The following AKR1C3 variants were observed in gnomAD, a reference collection of about 807,000 sequenced individuals.
AKR1C3 encodes 3-alpha hydroxysteroid dehydrogenase, type II.
AKR1C3 carries 48 observed loss-of-function variants against 43.6 expected under a neutral mutation model. The ratio of observed to expected loss-of-function variants is 1.10; its 90% CI spans 0.87 to 1.40. The LOEUF (loss-of-function observed/expected upper bound fraction) is 1.40, where lower values mean the gene tolerates loss of function less well. Ranked by LOEUF, AKR1C3 falls within the 40% of genes most tolerant of loss-of-function variation. AKR1C3 has a pLI of 0.00. For missense variants in AKR1C3, 482 were observed against 391.2 expected (o/e 1.23, Z -1.96); for synonymous variants, 162 against 139.6 (o/e 1.16, Z -1.13).
At chr10:5,091,698 C>G (rs372339853), upstream of AKR1C3, among the ~76,000 whole-genome samples, 1 of 152,128 alleles carries the variant, frequency 6.6e-6, no homozygotes. Flanking sequence ...TACAAAACTT[C>G]TTCCACAGCT....
intron 8 of AKR1C3, among the ~76,000 whole-genome samples, chr10:5,106,054 C>T (rs1349545381): frequency 6.6e-6 from 1 of 152,212 alleles, no homozygotes; most frequent in African/African-American, 2.4e-5. Flanking sequence ...ACCTGCTCAG[C>T]TCCTTATCAA....
chr10:5,052,711 G>A (rs782470793), intron 1 of AKR1C3, among the ~76,000 whole-genome samples: 1 of 151,810 alleles, frequency 6.6e-6, no homozygotes, highest in African/African-American at 2.4e-5. Context: ...AGAAACAAAG[G>A]TTCTCCACGT....
intron 1 of AKR1C3, among the ~76,000 whole-genome samples, chr10:5,070,428 G>C (rs1451563709): frequency 6.6e-6 from 1 of 152,254 alleles, no homozygotes; most frequent in East Asian, 1.9e-4. Context: ...CCTGAGCGTA[G>C]TGGCTCAAGG....
Position 5,097,551 on chromosome 10 carries a change from G to A in AKR1C3, c.369+1G>A, listed in dbSNP as rs782729191. On this transcript the variant is annotated splice_donor_variant, in intron 3 of 8. Transcript: ENST00000380554. LOFTEE classifies it high-confidence loss of function. ...TATTCATTCTCCAATGTCTCTAAAG[G>A]TATGCAGTTTGTATGAGCATAAAAT... The A allele has an allele frequency of 3.8e-5, 61 of 1,613,228 alleles. No individual in the cohort carries two copies. Among genetic ancestry groups the A allele is most frequent in the Non-Finnish European group, 3.6e-5 (42 of 1,179,472 alleles).
chr10:5,107,282 A>C (rs1839530534), intron 8 of AKR1C3, among the ~76,000 whole-genome samples, 179 bp from the exon 9 acceptor site: 1 of 152,198 alleles, frequency 6.6e-6, no homozygotes, highest in African/African-American at 2.4e-5. Context: ...ATGATTGAAT[A>C]ATTTATTATT....
rs912515227 is a variant in AKR1C3, at chr10:5,107,378, A to T, written c.930-83A>T. The T allele has an allele frequency of 8.1e-6, 8 of 992,514 alleles. No homozygotes were observed. The East Asian group carries it at 9.9e-5, about 12-fold the overall frequency. 61.5% of individuals were successfully genotyped at this position (992,514 alleles called of 1,614,324 possible). A position where few individuals can be genotyped will look rare whatever the true frequency, so the allele number is the denominator to read the frequency against. On this transcript the variant is annotated intron_variant, in intron 8 of 8. Transcript: ENST00000380554. ...AGTCAGACAACTTAACATTCATACTAATGACAGCTTCATTGAAATCACTTT... is the reference window on the plus strand; with the variant it reads ...AGTCAGACAACTTAACATTCATACTTATGACAGCTTCATTGAAATCACTTT...
upstream of AKR1C3, chr10:5,093,675 T>A (rs1554784669): frequency 1.3e-5 from 2 of 152,132 alleles, no homozygotes; most frequent in South Asian, 4.1e-4. Context: ...ATAAACCTGG[T>A]TGAAGAACAA....
chr10:5,100,296 A>G (rs1472423518), intron 5 of AKR1C3, among the ~76,000 whole-genome samples: 2 of 152,056 alleles, frequency 1.3e-5, no homozygotes, highest in Non-Finnish European at 2.9e-5. Flanking sequence ...CTCCGTCTCA[A>G]AAAAAAAGAG....
At chr10:5,062,644 C>G (rs1838402620) in intron 1 of AKR1C3, among the ~76,000 whole-genome samples, 1 of 151,880 alleles carries the variant, frequency 6.6e-6, no homozygotes, top group Non-Finnish European at 1.5e-5. Context: ...AGGTAATTAC[C>G]AAGAAAACAG....
Position 5,063,764 on chromosome 10 carries a change from GCAAAAAAA to G in AKR1C3, c.84+14870_84+14877del, listed in dbSNP as rs1200559422. ...GAGGACAGAGGTAGTCTCTGTCTCA[GCAAAAAAA>G]AAAAAAAAAAAAAAAAAGGAAAATG... is the stretch of plus-strand genomic sequence containing the variant. On this transcript the variant is annotated intron_variant, in intron 1 of 8. Coordinates refer to the AKR1C3 transcript ENST00000439082. Among the ~76,000 whole-genome samples the G allele has an allele frequency of 3.9e-4, 13 of 33,446 alleles. No homozygotes were observed. The South Asian group carries it at 4.0e-3, about 10-fold the overall frequency. The allele number at this position is 33,446 out of a possible 152,430, so 21.9% of individuals were successfully genotyped here. A position where few individuals can be genotyped will look rare whatever the true frequency, so the allele number is the denominator to read the frequency against.
At chr10:5,104,943 TTC>T (rs1216127071) in intron 7 of AKR1C3, among the ~76,000 whole-genome samples, 21 of 152,056 alleles carry the variant, frequency 1.4e-4, no homozygotes, top group Middle Eastern at 3.2e-3. Flanking sequence ...ATGTTTTTTA[TTC>T]TCTCTCTCTC....
intron 1 of AKR1C3, among the ~76,000 whole-genome samples, chr10:5,059,818 G>T (rs148394384): frequency 2.6e-5 from 4 of 152,170 alleles, no homozygotes; most frequent in African/African-American, 9.7e-5. Flanking sequence ...GGCAATAGGT[G>T]ATGGTCCCTT....
chr10:5,052,850 G>A (rs1838179973), intron 1 of AKR1C3, among the ~76,000 whole-genome samples: 1 of 151,850 alleles, frequency 6.6e-6, no homozygotes, highest in Admixed American at 6.6e-5. Context: ...GCTGATTGGT[G>A]TGTTTACAAA....
At chr10:5,048,905 A>G in intron 1 of AKR1C3, 1 of 1,610,362 alleles carries the variant, frequency 6.2e-7, no homozygotes, top group Non-Finnish European at 8.5e-7. Context: ...GGTAATAATA[A>G]TGTTTTTGGT....
Position 5,078,040 on chromosome 10 carries a change from T to C in AKR1C3, c.85-18370T>C, listed in dbSNP as rs1359415564. On this transcript the variant is annotated intron_variant, in intron 1 of 8. Transcript: ENST00000439082. Reference sequence around the variant, plus strand: ...GTGAGCTGAAAATATGATTACTATATTTTGTAAATGGAAATACCATTACAA... The same window carrying C: ...GTGAGCTGAAAATATGATTACTATACTTTGTAAATGGAAATACCATTACAA... The C allele has an allele frequency of 7.7e-6, 5 of 651,578 alleles. No individual in the cohort carries two copies. The East Asian group carries it at 1.4e-4, about 19-fold the overall frequency. 40.4% of individuals were successfully genotyped at this position (651,578 alleles called of 1,614,324 possible).
chr10:5,100,774 TTTA>T (rs1839329529), intron 5 of AKR1C3, among the ~76,000 whole-genome samples: 1 of 152,196 alleles, frequency 6.6e-6, no homozygotes, highest in South Asian at 2.1e-4. Flanking sequence ...CCTTCAATTT[TTTA>T]TTATGATAAT....
intron 1 of AKR1C3, among the ~76,000 whole-genome samples, chr10:5,095,199 AC>A (rs750305996): frequency 1.4e-4 from 21 of 152,146 alleles, no homozygotes; most frequent in Admixed American, 3.3e-4. Context: ...ACAAAAATGA[AC>A]AAAATGGAGA....
chr10:5,105,676 A>T lies in AKR1C3; in HGVS notation c.928A>T (p.Ser310Cys). Residue 310 changes from serine (S) to cysteine (C), a missense_variant and splice_region_variant, in exon 8 of 9, where the codon AGT becomes TGT. By Grantham distance (112) the Ser-to-Cys change is moderately radical (BLOSUM62 -1). Coordinates refer to ENST00000380554, the MANE Select transcript of AKR1C3 (RefSeq NM_003739.6). ...DRNLHYFNSDSFASHPNYPYS... is the reference protein window; with the variant it reads ...DRNLHYFNSDCFASHPNYPYS... ...AAATCTCCACTATTTTAACAGTGATAGGTAAGTTTCCTTTGTAAATGGGTG... is the reference window on the plus strand; with the variant it reads ...AAATCTCCACTATTTTAACAGTGATTGGTAAGTTTCCTTTGTAAATGGGTG... 1.2e-6 allele frequency: 2 copies of T among 1,610,890 alleles called. No individual in the cohort carries two copies. Among genetic ancestry groups the T allele is most frequent in the Non-Finnish European group, 1.7e-6 (2 of 1,177,408 alleles).
chr10:5,071,880 C>T (rs1378265150), intron 1 of AKR1C3, among the ~76,000 whole-genome samples: 1 of 152,208 alleles, frequency 6.6e-6, no homozygotes, highest in Admixed American at 6.5e-5. Flanking sequence ...CTCAGCCTTT[C>T]CCTTCTCCCT....
Sources: allele counts gnomAD v4.1 joint callset (sites outside exome capture counted in the v4.1 genomes callset), GRCh38; gene constraint gnomAD v4.1.1; transcripts MANE v1.5; gene names NCBI Gene and HGNC (gene_info 2026-07-23, HGNC 2026-07-21).